NAALADL2: variants seen among roughly 807,000 people sequenced by gnomAD.
The protein encoded by NAALADL2 is N-acetylated alpha-linked acidic dipeptidase like 2.
A neutral mutation model predicts 87.2 loss-of-function variants in NAALADL2; 76 were observed. That is an observed-to-expected ratio of 0.87 (90% confidence interval 0.72 to 1.05). The LOEUF is 1.05. Ranked by LOEUF, NAALADL2 falls within the 50% of genes least tolerant of loss-of-function variation. NAALADL2 has a pLI of 0.00. For missense variants in NAALADL2, 1,089 were observed against 945.8 expected (o/e 1.15, Z -1.99); for synonymous variants, 354 against 331.0 (o/e 1.07, Z -0.75).
intron 1 of NAALADL2, among the ~76,000 whole-genome samples, chr3:174,448,491 A>AT (rs1384472670): frequency 6.6e-6 from 1 of 152,136 alleles, no homozygotes; most frequent in Non-Finnish European, 1.5e-5. Flanking sequence ...ATCTTTTTGT[A>AT]TTTTGAATCA....
intron 2 of NAALADL2, among the ~76,000 whole-genome samples, chr3:175,165,507 A>G (rs768800159): frequency 9.9e-5 from 15 of 152,044 alleles, no homozygotes; most frequent in South Asian, 2.1e-4. Flanking sequence ...AAAATCATGG[A>G]CTTACACTTA....
intron 2 of NAALADL2, among the ~76,000 whole-genome samples, chr3:175,141,883 G>C (rs1475517872): frequency 1.3e-5 from 2 of 152,064 alleles, no homozygotes; most frequent in Non-Finnish European, 2.9e-5. Flanking sequence ...TGGCAGAGTG[G>C]ATGAAGATGT....
intron 4 of NAALADL2, among the ~76,000 whole-genome samples, chr3:175,290,002 T>C (rs549126823): frequency 5.3e-5 from 8 of 152,108 alleles, no homozygotes; most frequent in Non-Finnish European, 1.0e-4. Flanking sequence ...GTCAGGGAGA[T>C]AGAAATAAAA....
At chr3:175,434,297 G>A (rs890647835) in intron 5 of NAALADL2, among the ~76,000 whole-genome samples, 3 of 152,100 alleles carry the variant, frequency 2.0e-5, no homozygotes, top group East Asian at 3.9e-4. Context: ...CTCAGAAGAT[G>A]TGGAAAACTA....
At chr3:174,733,531 A>G (rs565558520) in intron 2 of NAALADL2, among the ~76,000 whole-genome samples, 3 of 152,226 alleles carry the variant, frequency 2.0e-5, no homozygotes, top group Non-Finnish European at 4.4e-5. Context: ...AAAGAGCCCC[A>G]TGTGGCTTAG....
chr3:175,325,221 A>T (rs942150927), intron 5 of NAALADL2, among the ~76,000 whole-genome samples: 2 of 152,222 alleles, frequency 1.3e-5, no homozygotes, highest in African/African-American at 4.8e-5. Flanking sequence ...TGCCTATTCT[A>T]TGTTAACTTT....
At chr3:175,504,880 T>C (rs1388133939) in intron 9 of NAALADL2, among the ~76,000 whole-genome samples, 5 of 152,258 alleles carry the variant, frequency 3.3e-5, no homozygotes, top group Non-Finnish European at 5.9e-5. Flanking sequence ...TTACAAGCTC[T>C]TGATGAATGT....
At chr3:174,810,178 A>G (rs565475095) in intron 3 of NAALADL2, among the ~76,000 whole-genome samples, 2 of 152,288 alleles carry the variant, frequency 1.3e-5, no homozygotes, top group South Asian at 4.2e-4. Flanking sequence ...AAAAATTAGT[A>G]CTTAAGAGTG....
intron 10 of NAALADL2, among the ~76,000 whole-genome samples, chr3:175,601,304 A>G (rs1722951666): frequency 1.3e-5 from 2 of 152,196 alleles, no homozygotes; most frequent in South Asian, 4.1e-4. Flanking sequence ...TGTGTATGTT[A>G]AAAAATTATA....
intron 9 of NAALADL2, among the ~76,000 whole-genome samples, chr3:175,553,429 T>G (rs946254656): frequency 2.0e-5 from 3 of 152,166 alleles, no homozygotes; most frequent in Non-Finnish European, 2.9e-5. Context: ...AATCCTTCCA[T>G]GTATTTTAGG....
In NAALADL2 at chr3:175,807,631, T is replaced by C. The variant is rs1382753100; in HGVS notation, c.*4428T>C. On this transcript the variant is annotated 3_prime_UTR_variant, in exon 14 of 14. Coordinates refer to ENST00000454872, the MANE Select transcript of NAALADL2 (RefSeq NM_207015.3). ...TGAGTGGAAAGGAAGTTGGCCCACA[T>C]ATTCCAATAAATATATCAGCAATAT... 6.6e-6 allele frequency: 1 copy of C among 151,898 alleles called. No individual in the cohort carries two copies. The highest frequency in any genetic ancestry group is 2.4e-5 in the African/African-American group (1 of 41,404). 9.4% of individuals were successfully genotyped at this position (151,898 alleles called of 1,614,324 possible). A position where few individuals can be genotyped will look rare whatever the true frequency, so the allele number is the denominator to read the frequency against.
At chr3:174,647,963 A>T (rs1578419770) in intron 2 of NAALADL2, among the ~76,000 whole-genome samples, 1 of 152,222 alleles carries the variant, frequency 6.6e-6, no homozygotes, top group South Asian at 2.1e-4. Flanking sequence ...GTATTTAAAA[A>T]TGCATTTTCC....
chr3:174,642,909 C>T (rs1200246145), intron 2 of NAALADL2, among the ~76,000 whole-genome samples: 1 of 151,824 alleles, frequency 6.6e-6, no homozygotes, highest in East Asian at 1.9e-4. Flanking sequence ...CAGCTTCCTG[C>T]GTAGCTGGGA....
chr3:175,416,540 A>G (rs193024152), intron 5 of NAALADL2, among the ~76,000 whole-genome samples: 2 of 152,170 alleles, frequency 1.3e-5, no homozygotes, highest in Non-Finnish European at 2.9e-5. Flanking sequence ...ATAGGATTTA[A>G]GAAGTATTGT....
chr3:174,530,070 A>G (rs1388570726), intron 1 of NAALADL2, among the ~76,000 whole-genome samples: 2 of 152,146 alleles, frequency 1.3e-5, no homozygotes, highest in East Asian at 3.9e-4. Context: ...CAGGCTGCAA[A>G]TGTTCCATAC....
intron 3 of NAALADL2, among the ~76,000 whole-genome samples, chr3:174,854,305 A>C (rs1296931360): frequency 6.6e-6 from 1 of 152,120 alleles, no homozygotes; most frequent in Non-Finnish European, 1.5e-5. Context: ...GCATGTTCTC[A>C]CTCATATGTG....
chr3:175,655,478 T>C, intron 11 of NAALADL2: 1 of 383,728 alleles, frequency 2.6e-6, no homozygotes, highest in South Asian at 1.9e-5. Context: ...TCTTCCTAAA[T>C]AGTGAAGAAC....
intron 3 of NAALADL2, among the ~76,000 whole-genome samples, chr3:174,818,864 AG>A (rs1721086032): frequency 1.3e-5 from 2 of 152,148 alleles, no homozygotes; most frequent in South Asian, 4.2e-4. Flanking sequence ...GTGGGGGCTT[AG>A]GCAGGTTCTT....
At chr3:174,671,951 TGATGATGATGAC>T (rs1455438381) in intron 2 of NAALADL2, among the ~76,000 whole-genome samples, 4 of 151,910 alleles carry the variant, frequency 2.6e-5, no homozygotes, top group African/African-American at 7.2e-5. Context: ...ATGATGATGA[TGATGATGATGAC>T]AGTGGTGATG....
Sources: allele counts gnomAD v4.1 joint callset (sites outside exome capture counted in the v4.1 genomes callset), GRCh38; gene constraint gnomAD v4.1.1; transcripts MANE v1.5; gene names NCBI Gene and HGNC (gene_info 2026-07-23, HGNC 2026-07-21).